Variants in NRXN1 observed in about 807,000 individuals in gnomAD.
The protein encoded by NRXN1 is neurexin-1.
In NRXN1, 39 loss-of-function variants were observed where a neutral mutation model predicts 150.9. The observed-to-expected ratio is 0.26, with a 90% CI of 0.20 to 0.34. The LOEUF (loss-of-function observed/expected upper bound fraction) is 0.34. NRXN1 is among the 10% of genes least tolerant of loss of function. The pLI, the probability that NRXN1 is intolerant of heterozygous loss-of-function variation, is 1.00. For missense variants in NRXN1, 1,815 were observed against 1,949.9 expected (o/e 0.93, Z 1.30); for synonymous variants, 924 against 757.0 (o/e 1.22, Z -3.62).
rs567782738 is a variant in NRXN1, at chr2:50,046,330, C to T, written c.4128+6941G>A. Among the ~76,000 whole-genome samples the T allele has an allele frequency of 1.4e-3, 220 of 152,310 alleles. 1 individual carries two copies. The highest frequency in any genetic ancestry group is 3.4e-3 in the Middle Eastern group (1 of 294). ...ACATACATCCCTTAGGGGAATGGTG[C>T]TGCCTCATTCAACAGAGAATTCAGC... On this transcript the variant is annotated intron_variant, in intron 21 of 22. Transcript: ENST00000401669.
chr2:50,267,425 C>T (rs927340410), intron 17 of NRXN1, among the ~76,000 whole-genome samples: 2 of 152,086 alleles, frequency 1.3e-5, no homozygotes, highest in African/African-American at 4.8e-5. Flanking sequence ...TAAGAAAGAA[C>T]TATTCATTTC....
chr2:50,962,517 GGTTTGTTTGTTTGTTT>G (rs4031417), intron 2 of NRXN1, among the ~76,000 whole-genome samples: 2 of 149,414 alleles, frequency 1.3e-5, no homozygotes, highest in African/African-American at 2.5e-5. Context: ...CCAAGTGCTT[GGTTTGTTTGTTTGTTT>G]GTTTGTTTGT....
intron 17 of NRXN1, among the ~76,000 whole-genome samples, chr2:50,419,974 G>T (rs952874067): frequency 1.3e-5 from 2 of 151,928 alleles, no homozygotes; most frequent in Non-Finnish European, 2.9e-5. Context: ...CACGTGATCT[G>T]GCCAGCCTTA....
At chr2:50,988,847 T>C (rs929972638) in intron 2 of NRXN1, among the ~76,000 whole-genome samples, 1 of 151,936 alleles carries the variant, frequency 6.6e-6, no homozygotes, top group Non-Finnish European at 1.5e-5. Flanking sequence ...TTTTCCTTTA[T>C]GCAAAATAGG....
At chr2:50,943,947 G>A (rs1238398140) in intron 2 of NRXN1, among the ~76,000 whole-genome samples, 3 of 152,024 alleles carry the variant, frequency 2.0e-5, no homozygotes, top group Non-Finnish European at 4.4e-5. Flanking sequence ...CCTGGCATAC[G>A]ATTTCTGACA....
At chr2:50,794,290 T>A (rs1559272080) in intron 5 of NRXN1, among the ~76,000 whole-genome samples, 1 of 152,164 alleles carries the variant, frequency 6.6e-6, no homozygotes. Context: ...TTATTTAAAA[T>A]CTACCATTAG....
At chr2:50,069,236 C>T (rs988511008) in intron 19 of NRXN1, among the ~76,000 whole-genome samples, 1 of 152,100 alleles carries the variant, frequency 6.6e-6, no homozygotes. Flanking sequence ...CTTCTTTTTG[C>T]CCAATAATGC....
At chr2:50,439,635 T>C (rs1043846590) in intron 17 of NRXN1, among the ~76,000 whole-genome samples, 1 of 151,512 alleles carries the variant, frequency 6.6e-6, no homozygotes, top group African/African-American at 2.4e-5. Flanking sequence ...TGAAAACCCA[T>C]CTCTACTAAA....
chr2:50,508,242 T>C (rs1195149301), intron 12 of NRXN1, among the ~76,000 whole-genome samples: 2 of 152,194 alleles, frequency 1.3e-5, no homozygotes, highest in Non-Finnish European at 1.5e-5. Flanking sequence ...CAGTTATTTA[T>C]ATCTGTTTGT....
intron 5 of NRXN1, among the ~76,000 whole-genome samples, chr2:50,639,006 A>G (rs1034532386): frequency 2.0e-5 from 3 of 152,028 alleles, no homozygotes; most frequent in African/African-American, 7.2e-5. Flanking sequence ...TAATCCACCA[A>G]TGGTTCACCA....
intron 17 of NRXN1, among the ~76,000 whole-genome samples, chr2:50,306,595 G>T (rs2074630867): frequency 6.6e-6 from 1 of 152,212 alleles, no homozygotes; most frequent in Admixed American, 6.5e-5. Context: ...AGATTTCTCA[G>T]TAAGTACTTT....
intron 21 of NRXN1, among the ~76,000 whole-genome samples, chr2:49,968,491 C>T (rs1425873277): frequency 6.6e-6 from 1 of 152,008 alleles, no homozygotes; most frequent in Non-Finnish European, 1.5e-5. Context: ...ACCCCCTTGA[C>T]TGATTTTGAG....
intron 2 of NRXN1, among the ~76,000 whole-genome samples, chr2:50,981,955 A>G (rs1201147267): frequency 5.3e-5 from 8 of 151,866 alleles, no homozygotes. Context: ...AAAGAGAGAC[A>G]GAGAGAGAGA....
intron 17 of NRXN1, among the ~76,000 whole-genome samples, chr2:50,295,261 T>C (rs1481149861): frequency 1.3e-5 from 2 of 152,206 alleles, no homozygotes; most frequent in Non-Finnish European, 2.9e-5. Context: ...TATATCTACA[T>C]CTTTTAAATT....
At chr2:50,279,227 C>G (rs2071080831) in intron 17 of NRXN1, among the ~76,000 whole-genome samples, 2 of 152,182 alleles carry the variant, frequency 1.3e-5, no homozygotes, top group South Asian at 4.1e-4. Flanking sequence ...ATCTATAAAA[C>G]AGCCCTAAGG....
At chr2:50,518,696 T>G (rs1401978206) in intron 12 of NRXN1, among the ~76,000 whole-genome samples, 2 of 151,874 alleles carry the variant, frequency 1.3e-5, no homozygotes, top group Non-Finnish European at 2.9e-5. Context: ...TACACCACTG[T>G]AATAGTTATA....
intron 5 of NRXN1, chr2:50,739,175 A>T: frequency 2.7e-6 from 1 of 371,458 alleles, no homozygotes; most frequent in South Asian, 2.1e-5. Flanking sequence ...ATTCTTACAA[A>T]TCCTTATGAT....
At chr2:50,474,256 G>C (rs2089778358) in intron 15 of NRXN1, among the ~76,000 whole-genome samples, 1 of 151,762 alleles carries the variant, frequency 6.6e-6, no homozygotes, top group South Asian at 2.1e-4. Context: ...AGAAATCAAA[G>C]ATACAAAATT....
At chr2:50,758,252 G>GTTCA (rs1701387902) in intron 5 of NRXN1, 1 of 151,690 alleles carries the variant, frequency 6.6e-6, no homozygotes, top group Admixed American at 6.6e-5. Flanking sequence ...TTTCCTTATG[G>GTTCA]TTCACTTCAT....
Sources: allele counts gnomAD v4.1 joint callset (sites outside exome capture counted in the v4.1 genomes callset), GRCh38; gene constraint gnomAD v4.1.1; transcripts MANE v1.5; gene names NCBI Gene and HGNC (gene_info 2026-07-23, HGNC 2026-07-21).